NAV2: variants seen among roughly 807,000 people sequenced by gnomAD.
NAV2 encodes the protein neuron navigator 2.
A neutral mutation model predicts 223.2 loss-of-function variants in NAV2; 54 were observed. That is an observed-to-expected ratio of 0.24 (90% CI 0.19 to 0.30). The LOEUF is 0.30. NAV2 is among the 10% of genes least tolerant of loss of function. The pLI is 1.00. For synonymous variants in NAV2, 1,279 were observed against 1,239.3 expected (o/e 1.03, Z -0.67); for missense variants, 2,806 against 3,147.5 (o/e 0.89, Z 2.60).
intron 1 of NAV2, among the ~76,000 whole-genome samples, chr11:19,453,839 A>C (rs1851870385): frequency 6.6e-6 from 1 of 152,186 alleles, no homozygotes; most frequent in South Asian, 2.1e-4. Context: ...CCTTTAGAAA[A>C]AGGAAAGAGG....
chr11:19,954,707 C>A (rs2047684425), intron 10 of NAV2, among the ~76,000 whole-genome samples: 1 of 152,020 alleles, frequency 6.6e-6, no homozygotes, highest in Non-Finnish European at 1.5e-5. Flanking sequence ...TCCTTTATTG[C>A]CTGTCAGGTC....
At chr11:19,621,421 C>T (rs1183570937) in intron 1 of NAV2, among the ~76,000 whole-genome samples, 1 of 152,170 alleles carries the variant, frequency 6.6e-6, no homozygotes, top group African/African-American at 2.4e-5. Context: ...TAATTATTGC[C>T]TCAATTTCGG....
At chr11:19,397,396 AGTGTGTGTGT>A (rs1554919830) in intron 1 of NAV2, among the ~76,000 whole-genome samples, 1 of 143,820 alleles carries the variant, frequency 7.0e-6, no homozygotes, top group Non-Finnish European at 1.5e-5. Flanking sequence ...TTCTCTGGGG[AGTGTGTGTGT>A]GTGTGTGTGT....
intron 11 of NAV2, among the ~76,000 whole-genome samples, chr11:19,997,965 T>G (rs2052087880): frequency 6.6e-6 from 1 of 152,104 alleles, no homozygotes. Flanking sequence ...CCATGTTTTG[T>G]TCTCTGGTAG....
Position 19,934,052 on chromosome 11 carries a change from C to T in NAV2, c.1808C>T (p.Pro603Leu), listed in dbSNP as rs2045623872. The T allele has an allele frequency of 1.2e-6, 2 of 1,603,402 alleles. No individual in the cohort carries two copies. The highest frequency in any genetic ancestry group is 1.3e-5 in the African/African-American group (1 of 74,566). ...AGCTCAGGACTCCCCCAGCAGAAGC[C>T]CCAGCTGGACGGCAGACACTCCAGT... is the stretch of plus-strand genomic sequence containing the variant. Reference protein sequence around the residue: ...KLSSGLPQQKPQLDGRHSSSS... With the variant: ...KLSSGLPQQKLQLDGRHSSSS... The change falls in exon 7 of 38, where the codon CCC (proline) becomes CTC (leucine). Residue 603 changes from proline to leucine, a missense_variant. By Grantham distance (98) the Pro-to-Leu change is moderately conservative. This residue lies in a region of NAV2 where 1,167 missense variants were observed against 1,180.5 expected (regional missense o/e 0.99). Coordinates refer to ENST00000349880, the MANE Select transcript of NAV2 (RefSeq NM_145117.5).
At chr11:19,780,312 G>T (rs1478687187) in intron 1 of NAV2, among the ~76,000 whole-genome samples, 1 of 152,184 alleles carries the variant, frequency 6.6e-6, no homozygotes, top group Non-Finnish European at 1.5e-5. Context: ...TAAGCTTGGG[G>T]CACAGCCACA....
At chr11:19,532,792 A>G (rs868846177) in intron 1 of NAV2, among the ~76,000 whole-genome samples, 4 of 152,342 alleles carry the variant, frequency 2.6e-5, no homozygotes, top group Middle Eastern at 3.4e-3. Context: ...ACACGAGGCA[A>G]CTTCAAAGGG....
At chr11:19,759,159 T>C (rs2054511754) in intron 1 of NAV2, among the ~76,000 whole-genome samples, 1 of 130,370 alleles carries the variant, frequency 7.7e-6, no homozygotes, top group African/African-American at 2.9e-5. Context: ...CTCAGCTCAC[T>C]GCAAGCTCCG....
At chr11:19,635,815 A>G (rs990630904) in intron 1 of NAV2, among the ~76,000 whole-genome samples, 1 of 152,228 alleles carries the variant, frequency 6.6e-6, no homozygotes, top group African/African-American at 2.4e-5. Context: ...TTGCATTGGC[A>G]ATTAAACTTC....
chr11:19,728,060 T>A (rs547421291), intron 1 of NAV2, among the ~76,000 whole-genome samples: 1 of 152,294 alleles, frequency 6.6e-6, no homozygotes, highest in South Asian at 2.1e-4. Context: ...GTCCTATGAC[T>A]GAGAGATGAT....
chr11:19,784,670 A>G (rs1435021868), intron 1 of NAV2, among the ~76,000 whole-genome samples: 2 of 152,160 alleles, frequency 1.3e-5, no homozygotes, highest in Admixed American at 1.3e-4. Flanking sequence ...CACTCCAAGT[A>G]TAAGAGATAG....
chr11:19,690,902 T>C (rs889361267), intron 1 of NAV2, among the ~76,000 whole-genome samples: 1 of 152,196 alleles, frequency 6.6e-6, no homozygotes, highest in Non-Finnish European at 1.5e-5. Context: ...AGATCCCCGA[T>C]TTTCAGCACA....
intron 12 of NAV2, among the ~76,000 whole-genome samples, chr11:20,040,309 G>A (rs1374282793): frequency 1.3e-5 from 2 of 152,170 alleles, no homozygotes; most frequent in Non-Finnish European, 2.9e-5. Context: ...GCTAAAGATG[G>A]ACAACAGAGT....
At chr11:19,366,615 C>T (rs944393676) in intron 1 of NAV2, among the ~76,000 whole-genome samples, 1 of 152,180 alleles carries the variant, frequency 6.6e-6, no homozygotes, top group Non-Finnish European at 1.5e-5. Context: ...TGGAATTAAA[C>T]AGACCCCAGA....
intron 2 of NAV2, among the ~76,000 whole-genome samples, chr11:19,841,405 C>T (rs1023258620): frequency 6.6e-6 from 1 of 152,124 alleles, no homozygotes; most frequent in Non-Finnish European, 1.5e-5. Context: ...CTTTTTCAGA[C>T]AGTTTCCAAT....
intron 1 of NAV2, among the ~76,000 whole-genome samples, chr11:19,674,920 G>T (rs1166156622): frequency 1.3e-5 from 2 of 152,206 alleles, no homozygotes; most frequent in African/African-American, 4.8e-5. Flanking sequence ...TGGGGAAATA[G>T]TTGCACCACT....
chr11:19,933,950 T>C lies in NAV2; in HGVS notation c.1706T>C (p.Met569Thr), dbSNP rs1298107415. Residue 569 changes from methionine to threonine, a missense_variant, in exon 7 of 38, where the codon ATG becomes ACG. By Grantham distance (81) the Met-to-Thr change is moderately conservative. This residue lies in a region of NAV2 where 1,167 missense variants were observed against 1,180.5 expected (regional missense o/e 0.99). Transcript: ENST00000349880. The surrounding 1 kb of genome is among the most constrained non-coding windows in gnomAD (Gnocchi z 4.3). ...PSHSGIPKPG[M>T]KSMPGKSPSA... ...CACAGTGGAATACCAAAACCAGGAATGAAAAGCATGCCCGGGAAATCCCCA... is the reference window on the plus strand; with the variant it reads ...CACAGTGGAATACCAAAACCAGGAACGAAAAGCATGCCCGGGAAATCCCCA... 1.9e-6 allele frequency: 3 copies of C among 1,596,788 alleles called. No homozygotes were observed. Among genetic ancestry groups the C allele is most frequent in the East Asian group, 2.2e-5 (1 of 44,780 alleles).
At chr11:19,416,893 A>G (rs1850394184) in intron 1 of NAV2, among the ~76,000 whole-genome samples, 1 of 152,250 alleles carries the variant, frequency 6.6e-6, no homozygotes, top group Non-Finnish European at 1.5e-5. Flanking sequence ...GGCTAGCCAT[A>G]TGCAGAAAAC....
intron 6 of NAV2, among the ~76,000 whole-genome samples, chr11:19,907,664 A>G (rs2042986744): frequency 6.6e-6 from 1 of 152,250 alleles, no homozygotes; most frequent in African/African-American, 2.4e-5. Flanking sequence ...GGAGTTTTAA[A>G]CAAAAGGAAA....
Sources: allele counts gnomAD v4.1 joint callset (sites outside exome capture counted in the v4.1 genomes callset), GRCh38; gene constraint gnomAD v4.1.1; regional missense constraint gnomAD v4.1.1; non-coding constraint Gnocchi (gnomAD v3.1); transcripts MANE v1.5; gene names NCBI Gene and HGNC (gene_info 2026-07-23, HGNC 2026-07-21).